The following TULP4 variants were observed in gnomAD, a reference collection of about 807,000 sequenced individuals.
The protein encoded by TULP4 is tubby-related protein 4.
In TULP4, 16 loss-of-function variants were observed where a neutral mutation model predicts 129.0. That is an observed-to-expected ratio of 0.12 (90% CI 0.08 to 0.19). The LOEUF (loss-of-function observed/expected upper bound fraction) is 0.19. Ranked by LOEUF, TULP4 falls within the 10% of genes least tolerant of loss-of-function variation. The pLI is 1.00. For missense variants in TULP4, 1,842 were observed against 2,059.1 expected (o/e 0.89, Z 2.04); for synonymous variants, 998 against 854.0 (o/e 1.17, Z -2.94).
intron 1 of TULP4, among the ~76,000 whole-genome samples, chr6:158,335,263 C>T (rs1012347473): frequency 2.4e-5 from 3 of 125,754 alleles, no homozygotes; most frequent in East Asian, 2.2e-4. Context: ...GTGAACAGAG[C>T]GAGACTGTCT....
At chr6:158,439,319 T>A (rs1301219618) in intron 3 of TULP4, among the ~76,000 whole-genome samples, 1 of 152,206 alleles carries the variant, frequency 6.6e-6, no homozygotes, top group African/African-American at 2.4e-5. Context: ...CTATTTGCCC[T>A]AAGAAAACAT....
At position 158,503,278 on chromosome 6, in the gene TULP4, T is replaced by C; in HGVS notation, c.3615T>C (p.Ala1205=). ...ACCCCCCTTTGCCTGGAGTGCAGGCTCCCTGCTCTCCCAAAGATGCCCTGT... is the reference window on the plus strand; with the variant it reads ...ACCCCCCTTTGCCTGGAGTGCAGGCCCCCTGCTCTCCCAAAGATGCCCTGT... ...YNNPPLPGVQ[A]PCSPKDALSP... Residue 1205 remains alanine, a synonymous_variant, in exon 13 of 14, where the codon GCT becomes GCC. Transcript: ENST00000367097. This position sits in a 1 kb window ranked among gnomAD's most constrained non-coding sequence, Gnocchi z 4.3. 6.2e-7 allele frequency: 1 copy of C among 1,613,808 alleles called. No homozygotes were observed. Among genetic ancestry groups the C allele is most frequent in the Non-Finnish European group, 8.5e-7 (1 of 1,179,974 alleles).
rs1779939892 is a variant in TULP4 at position 158,481,304 on chromosome 6, C to T, written c.1486+15C>T. ...TAGCAAACCAGGTGGGCCCCTCACC[C>T]GAGGGACTGGGACCTTGTTCTCCTG... On this transcript the variant is annotated intron_variant, in intron 8 of 13. Coordinates refer to ENST00000367097, the MANE Select transcript of TULP4 (RefSeq NM_020245.5). The T allele has an allele frequency of 1.2e-6, 2 of 1,605,126 alleles. No individual in the cohort carries two copies. Among genetic ancestry groups the T allele is most frequent in the South Asian group, 1.1e-5 (1 of 90,080 alleles).
intron 5 of TULP4, among the ~76,000 whole-genome samples, chr6:158,460,909 T>C (rs533845881): frequency 1.3e-5 from 2 of 150,246 alleles, no homozygotes; most frequent in South Asian, 4.2e-4. Context: ...TCTTGCTGTC[T>C]CTTAAAAAAA....
chr6:158,389,990 C>T (rs935861075), intron 1 of TULP4, among the ~76,000 whole-genome samples: 1 of 151,826 alleles, frequency 6.6e-6, no homozygotes, highest in Non-Finnish European at 1.5e-5. Context: ...AAGTGATTCT[C>T]CTGCCAGGAG....
chr6:158,335,324 G>T (rs1196948269), intron 1 of TULP4, among the ~76,000 whole-genome samples: 1 of 151,498 alleles, frequency 6.6e-6, no homozygotes, highest in African/African-American at 2.4e-5. Context: ...CCAGTCTCAG[G>T]TACTTTGTTA....
chr6:158,411,972 AC>A (rs1778109810), intron 1 of TULP4, among the ~76,000 whole-genome samples: 1 of 152,252 alleles, frequency 6.6e-6, no homozygotes, highest in African/African-American at 2.4e-5. Flanking sequence ...GCTATTAGGC[AC>A]AAAATGCTGG....
At chr6:158,371,629 T>C (rs1395887509) in intron 1 of TULP4, among the ~76,000 whole-genome samples, 1 of 152,152 alleles carries the variant, frequency 6.6e-6, no homozygotes, top group Non-Finnish European at 1.5e-5. Flanking sequence ...ACAAGAGAGA[T>C]TATAACAGCG....
Position 158,491,015 on chromosome 6 carries a change from G to A in TULP4, c.1631+1283G>A, listed in dbSNP as rs146669611. On this transcript the variant is annotated intron_variant, in intron 9 of 13. Coordinates refer to ENST00000367097, the MANE Select transcript of TULP4 (RefSeq NM_020245.5). Reference sequence around the variant, plus strand: ...TACAAGTCTTTTTGTGGACATGTGCGCTCATTTCTCTTGGATATAAACTTG... The same window carrying A: ...TACAAGTCTTTTTGTGGACATGTGCACTCATTTCTCTTGGATATAAACTTG... Among the ~76,000 whole-genome samples the A allele has an allele frequency of 4.0e-3, 605 of 152,260 alleles. 5 individuals are homozygous for A. Among genetic ancestry groups the A allele is most frequent in the African/African-American group, 0.014 (577 of 41,542 alleles).
intron 1 of TULP4, among the ~76,000 whole-genome samples, chr6:158,315,020 C>T (rs1416979065): frequency 1.3e-5 from 2 of 152,154 alleles, no homozygotes; most frequent in African/African-American, 4.8e-5. Context: ...GGCACCTTCG[C>T]AATATTCATG....
At chr6:158,461,422 A>AG in intron 5 of TULP4, 141 bp from the exon 6 acceptor site, 1 of 881,140 alleles carries the variant, frequency 1.1e-6, no homozygotes, top group African/African-American at 2.1e-5. Flanking sequence ...AAAAAAAAAA[A>AG]AAAAGGAAAA....
intron 1 of TULP4, among the ~76,000 whole-genome samples, chr6:158,339,108 T>C (rs1378771634): frequency 6.6e-6 from 1 of 152,170 alleles, no homozygotes; most frequent in Non-Finnish European, 1.5e-5. Context: ...CTATTTTCCC[T>C]AAGTGTCGGC....
intron 4 of TULP4, among the ~76,000 whole-genome samples, chr6:158,450,741 AT>A (rs1417653077): frequency 1.6e-5 from 2 of 125,008 alleles, no homozygotes; most frequent in Non-Finnish European, 3.3e-5. Flanking sequence ...ACTTGCCCCC[AT>A]TTTATTATTG....
In TULP4 at chr6:158,510,978, G is replaced by A. The variant is rs1780727498; in HGVS notation, c.*4284G>A. On this transcript the variant is annotated 3_prime_UTR_variant, in exon 14 of 14. Coordinates refer to ENST00000367097, the MANE Select transcript of TULP4 (RefSeq NM_020245.5). ...GCAAAGTTAGTGGAGACAAAAATGT[G>A]TCCAAAATGTCGTTTGAGTTCCTGG... The A allele has an allele frequency of 6.6e-6, 1 of 152,406 alleles. No homozygotes were observed. Among genetic ancestry groups the A allele is most frequent in the Non-Finnish European group, 1.5e-5 (1 of 68,034 alleles). 9.4% of individuals were successfully genotyped at this position (152,406 alleles called of 1,614,324 possible). A position where few individuals can be genotyped will look rare whatever the true frequency, so the allele number is the denominator to read the frequency against.
intron 1 of TULP4, among the ~76,000 whole-genome samples, chr6:158,232,465 G>A (rs2128438863): frequency 6.7e-6 from 1 of 150,244 alleles, no homozygotes; most frequent in African/African-American, 2.4e-5. Flanking sequence ...CGGGGCGGTG[G>A]CTGCGGGAGT....
upstream of TULP4, among the ~76,000 whole-genome samples, chr6:158,310,014 C>T (rs981247593): frequency 1.3e-5 from 2 of 151,994 alleles, no homozygotes; most frequent in African/African-American, 4.8e-5. Context: ...TTACTTTGTT[C>T]ATGTTCAAGA....
intron 1 of TULP4, among the ~76,000 whole-genome samples, chr6:158,255,698 C>T (rs1217944390): frequency 6.6e-6 from 1 of 152,176 alleles, no homozygotes; most frequent in East Asian, 1.9e-4. Context: ...CTCTGCAGAG[C>T]CCCAGTGCAC....
At chr6:158,446,946 C>T (rs1779060590) in intron 3 of TULP4, among the ~76,000 whole-genome samples, 1 of 152,162 alleles carries the variant, frequency 6.6e-6, no homozygotes, top group African/African-American at 2.4e-5. Context: ...GACCTTACCT[C>T]CAAATACCAT....
chr6:158,253,686 G>C lies in TULP4; in HGVS notation n.68+21383G>C, dbSNP rs9356542. On this transcript the variant is annotated intron_variant and non_coding_transcript_variant, in intron 1 of 1. Transcript: ENST00000620026. The stretch of plus-strand genomic sequence containing the variant: ...TCTTTCTAACTAAAACACTTTTTTT[G>C]ATTTTCTTAACATTTTCTGACCTAC... 1.8e-4 allele frequency among the ~76,000 whole-genome samples: 28 copies of C among 151,726 alleles called. 2 individuals are homozygous for C. Among genetic ancestry groups the C allele is most frequent in the African/African-American group, 6.8e-4 (28 of 41,384 alleles).
Sources: allele counts gnomAD v4.1 joint callset (sites outside exome capture counted in the v4.1 genomes callset), GRCh38; gene constraint gnomAD v4.1.1; non-coding constraint Gnocchi (gnomAD v3.1); transcripts MANE v1.5; gene names NCBI Gene and HGNC (gene_info 2026-07-23, HGNC 2026-07-21).